ABTB2: variants seen among roughly 807,000 people sequenced by gnomAD.
ABTB2 encodes ankyrin repeat and BTB domain containing 2, also known as ankyrin repeat and BTB/POZ domain-containing protein 2.
In ABTB2, 56 loss-of-function variants were observed where a neutral mutation model predicts 104.1. That is an observed-to-expected ratio of 0.54 (90% CI 0.43 to 0.67). The LOEUF (loss-of-function observed/expected upper bound fraction) is 0.67. Ranked by LOEUF, ABTB2 falls within the 30% of genes least tolerant of loss-of-function variation. ABTB2 has a pLI of 0.00. For missense variants in ABTB2, 1,279 were observed against 1,407.7 expected, an observed-to-expected ratio of 0.91 and a Z score of 1.46; for synonymous variants, 606 against 608.2, an observed-to-expected ratio of 1.00 and a Z score of 0.05.
At chr11:34,323,207 G>T (rs1002073058) in intron 1 of ABTB2, among the ~76,000 whole-genome samples, 4 of 152,058 alleles carry the variant, frequency 2.6e-5, no homozygotes, top group Non-Finnish European at 5.9e-5. Context: ...GCGCCTGGCC[G>T]CAAATGCTTA....
chr11:34,300,370 G>C (rs1360425340), intron 1 of ABTB2, among the ~76,000 whole-genome samples: 1 of 152,196 alleles, frequency 6.6e-6, no homozygotes, highest in Non-Finnish European at 1.5e-5. Context: ...CTACCATTTA[G>C]CTTGTTAGGC....
chr11:34,263,004 C>A (rs892710182), intron 1 of ABTB2, among the ~76,000 whole-genome samples: 1 of 152,046 alleles, frequency 6.6e-6, no homozygotes. Flanking sequence ...GATAATGGGC[C>A]CCAGATTTGT....
At chr11:34,230,379 T>C (rs1441488360) in intron 1 of ABTB2, among the ~76,000 whole-genome samples, 1 of 152,200 alleles carries the variant, frequency 6.6e-6, no homozygotes, top group Non-Finnish European at 1.5e-5. Flanking sequence ...GGTTAGTCAC[T>C]TACCCAGACA....
intron 1 of ABTB2, among the ~76,000 whole-genome samples, chr11:34,209,284 C>T (rs187657893): frequency 2.1e-3 from 315 of 151,814 alleles, no homozygotes; most frequent in African/African-American, 6.8e-3. Flanking sequence ...GTGGAGGTTG[C>T]AGTGATGAGA....
At chr11:34,198,002 AACCACCAAC>A (rs988353530) in intron 2 of ABTB2, among the ~76,000 whole-genome samples, 2 of 152,218 alleles carry the variant, frequency 1.3e-5, no homozygotes, top group African/African-American at 4.8e-5. Context: ...CACCAATTAC[AACCACCAAC>A]ACCACCATCA....
chr11:34,220,219 C>T (rs538570701), intron 1 of ABTB2, among the ~76,000 whole-genome samples: 38 of 152,306 alleles, frequency 2.5e-4, no homozygotes, highest in African/African-American at 8.7e-4. Context: ...AGTAAGAAAA[C>T]GATCACTGGA....
chr11:34,260,987 C>A (rs1315925341), intron 1 of ABTB2, among the ~76,000 whole-genome samples: 1 of 152,026 alleles, frequency 6.6e-6, no homozygotes, highest in African/African-American at 2.4e-5. Flanking sequence ...GCTGGGTGTG[C>A]TGGTGGGTGC....
At chr11:34,174,341 A>C (rs1852933460) in intron 3 of ABTB2, among the ~76,000 whole-genome samples, 1 of 151,032 alleles carries the variant, frequency 6.6e-6, no homozygotes, top group African/African-American at 2.4e-5. Context: ...AAAAAAAAAA[A>C]AAAAAAAAAG....
chr11:34,184,147 G>A (rs966422490), intron 3 of ABTB2, among the ~76,000 whole-genome samples: 59 of 151,994 alleles, frequency 3.9e-4, no homozygotes, highest in African/African-American at 1.2e-3. Context: ...TTCATTAAGG[G>A]CTCCAGAGCA....
chr11:34,224,520 A>G (rs559176911), intron 1 of ABTB2, among the ~76,000 whole-genome samples: 1 of 152,166 alleles, frequency 6.6e-6, no homozygotes, highest in Admixed American at 6.6e-5. Context: ...CTATCAAGTG[A>G]CTGGCTGCCA....
intron 1 of ABTB2, among the ~76,000 whole-genome samples, chr11:34,211,180 C>G (rs1258442793): frequency 6.6e-6 from 1 of 152,192 alleles, no homozygotes; most frequent in Non-Finnish European, 1.5e-5. Context: ...GGGATTACAG[C>G]TCACTACAGC....
chr11:34,159,255 G>T, intron 14 of ABTB2, 41 bp downstream of exon 14: 1 of 1,522,786 alleles, frequency 6.6e-7, no homozygotes, highest in African/African-American at 1.4e-5. Flanking sequence ...CTGGGGGAGG[G>T]TCATCCCTCT....
In ABTB2 at chr11:34,357,838, G is replaced by C. The variant is rs981307516; in HGVS notation, c.-255C>G. On this transcript the variant is annotated 5_prime_UTR_variant, in exon 1 of 17. Transcript: ENST00000435224. ...GAAAGAACCCCGTCGCTACCCCCCG[G>C]CACTCCCCCTTGTCCACCTCTAATT... 2.1e-6 allele frequency: 1 copy of C among 482,986 alleles called. No homozygotes were observed. Among genetic ancestry groups the C allele is most frequent in the African/African-American group, 2.0e-5 (1 of 49,932 alleles). 29.9% of individuals were successfully genotyped at this position (482,986 alleles called of 1,614,324 possible).
chr11:34,337,331 G>C (rs754652380), intron 1 of ABTB2, among the ~76,000 whole-genome samples: 1 of 152,196 alleles, frequency 6.6e-6, no homozygotes, highest in Admixed American at 6.5e-5. Flanking sequence ...GCCTTAGGAC[G>C]GGCACAGCTG....
chr11:34,340,302 G>A (rs966048193), intron 1 of ABTB2, among the ~76,000 whole-genome samples: 2 of 152,138 alleles, frequency 1.3e-5, no homozygotes, highest in African/African-American at 4.8e-5. Context: ...AATGAAGATG[G>A]CAACAGTAGC....
At chr11:34,277,268 T>A (rs916548674) in intron 1 of ABTB2, among the ~76,000 whole-genome samples, 2 of 152,196 alleles carry the variant, frequency 1.3e-5, no homozygotes, top group African/African-American at 4.8e-5. Context: ...TAGGGTCTCA[T>A]AAAGAACATC....
intron 1 of ABTB2, among the ~76,000 whole-genome samples, chr11:34,315,982 T>C (rs1854924276): frequency 6.6e-6 from 1 of 152,230 alleles, no homozygotes; most frequent in South Asian, 2.1e-4. Context: ...TGATTAAATG[T>C]TTGCAGTTAA....
intron 9 of ABTB2, 139 bp from the exon 10 acceptor site, chr11:34,162,944 C>T (rs1590203198): frequency 6.4e-6 from 5 of 780,810 alleles, no homozygotes; most frequent in East Asian, 2.7e-5. Flanking sequence ...TCTTCCTCCT[C>T]CAGGCAGGCC....
At position 34,197,523 on chromosome 11, in the gene ABTB2, C is replaced by T. The variant is rs756658336; in HGVS notation, c.1046G>A (p.Arg349His). Residue 349 changes from arginine to histidine, a missense_variant, in exon 3 of 17, where the codon CGT becomes CAT. By Grantham distance (29) the Arg-to-His change is conservative (BLOSUM62 0). Transcript: ENST00000435224. ...SISELSDLVSRAMHHMQGRHP... is the reference protein window; with the variant it reads ...SISELSDLVSHAMHHMQGRHP... Reference sequence around the variant, plus strand: ...ACGCCCCTGCATGTGGTGCATGGCACGGGAGACCAAGTCACCTGGTGGGGG... The same window carrying T: ...ACGCCCCTGCATGTGGTGCATGGCATGGGAGACCAAGTCACCTGGTGGGGG... The T allele has an allele frequency of 7.6e-6, 12 of 1,574,846 alleles. No individual in the cohort carries two copies. The highest frequency in any genetic ancestry group is 2.7e-5 in the African/African-American group (2 of 73,588).
Sources: gnomAD v4.1 joint callset for allele counts (sites outside exome capture counted in the v4.1 genomes callset) on GRCh38, gnomAD v4.1.1 for gene constraint, MANE v1.5 for transcripts, NCBI Gene and HGNC (gene_info 2026-07-23, HGNC 2026-07-21) for gene names.